MSRB3: variants seen among roughly 807,000 people sequenced by gnomAD.
The protein encoded by MSRB3 is methionine-R-sulfoxide reductase B3.
Under a neutral mutation model 21.0 loss-of-function variants are expected in MSRB3, and 13 were observed. The observed-to-expected ratio is 0.62, with a 90% CI of 0.40 to 0.98. The LOEUF (loss-of-function observed/expected upper bound fraction) is 0.98. Among genes scored for constraint, MSRB3 ranks in the 50% least tolerant of loss-of-function variants. The pLI is 0.00. For synonymous variants in MSRB3, 87 were observed against 88.6 expected (o/e 0.98, Z 0.10); for missense variants, 199 against 230.3 (o/e 0.86, Z 0.88).
chr12:65,395,618 C>T (rs1436112744), intron 5 of MSRB3, among the ~76,000 whole-genome samples: 5 of 152,140 alleles, frequency 3.3e-5, no homozygotes, highest in Non-Finnish European at 7.3e-5. Flanking sequence ...GTAAAATTCA[C>T]CAGTGAACCC....
intron 4 of MSRB3, among the ~76,000 whole-genome samples, chr12:65,343,362 A>G (rs1392390550): frequency 1.3e-5 from 2 of 151,964 alleles, no homozygotes; most frequent in Non-Finnish European, 2.9e-5. Flanking sequence ...AACTGCTTAA[A>G]CCTTCTGGTT....
At chr12:65,377,367 G>A (rs1349335146) in intron 5 of MSRB3, among the ~76,000 whole-genome samples, 1 of 152,146 alleles carries the variant, frequency 6.6e-6, no homozygotes, top group Non-Finnish European at 1.5e-5. Flanking sequence ...TGCCTCCTGG[G>A]ATCAAGCGAT....
chr12:65,453,640 T>A, intron 5 of MSRB3, 88 bp from the exon 6 acceptor site: 1 of 968,156 alleles, frequency 1.0e-6, no homozygotes, highest in Non-Finnish European at 1.7e-6. Flanking sequence ...ATTTTCATTA[T>A]TTGCTTAGTA....
chr12:65,357,329 G>A (rs182262668), intron 4 of MSRB3, among the ~76,000 whole-genome samples: 27 of 151,722 alleles, frequency 1.8e-4, no homozygotes, highest in Admixed American at 7.2e-4. Context: ...ATCTTTATCC[G>A]CTTTGACCTG....
chr12:65,289,728 C>T (rs949690145), intron 1 of MSRB3, among the ~76,000 whole-genome samples: 2 of 152,026 alleles, frequency 1.3e-5, no homozygotes, highest in African/African-American at 2.4e-5. Flanking sequence ...GCCCCAGTGT[C>T]GATTGTTCCT....
chr12:65,455,929 G>T (rs111246998), intron 6 of MSRB3, among the ~76,000 whole-genome samples: 275 of 152,044 alleles, frequency 1.8e-3, no homozygotes, highest in African/African-American at 6.1e-3. Flanking sequence ...GTAGAGATAG[G>T]GTTTCACCAT....
intron 5 of MSRB3, among the ~76,000 whole-genome samples, chr12:65,387,846 T>G (rs1879272853): frequency 6.6e-6 from 1 of 152,152 alleles, no homozygotes; most frequent in Non-Finnish European, 1.5e-5. Flanking sequence ...GCTTGATTTT[T>G]TTTTCCTACA....
At chr12:65,420,225 T>C (rs11175759) in intron 5 of MSRB3, among the ~76,000 whole-genome samples, 81,495 of 151,902 alleles carry the variant, frequency 0.54, 22,335 homozygotes, top group Non-Finnish European at 0.62. Flanking sequence ...AACTTGGACT[T>C]TCTATTTTAT....
chr12:65,462,560 C>A (rs1883376805), intron 6 of MSRB3, among the ~76,000 whole-genome samples: 1 of 152,158 alleles, frequency 6.6e-6, no homozygotes. Flanking sequence ...AGGAAAAAAA[C>A]AATTGTGTGT....
At chr12:65,397,046 G>A (rs1488043637) in intron 5 of MSRB3, among the ~76,000 whole-genome samples, 1 of 152,136 alleles carries the variant, frequency 6.6e-6, no homozygotes, top group Non-Finnish European at 1.5e-5. Flanking sequence ...ATGCACTGTT[G>A]TTAGGTGCAC....
At chr12:65,363,226 A>G (rs1202945906) in intron 4 of MSRB3, among the ~76,000 whole-genome samples, 1 of 152,170 alleles carries the variant, frequency 6.6e-6, no homozygotes, top group African/African-American at 2.4e-5. Flanking sequence ...CCATTTTAAA[A>G]TTTTTGATAC....
In MSRB3 at chr12:65,385,391, T is replaced by C. The variant is rs115052798; in HGVS notation, c.292+16365T>C. ...TATTATTTGCGTATTTATTCATTCCTATTTTCATAGTTAGGAAAACTGGTA... is the reference window on the plus strand; with the variant it reads ...TATTATTTGCGTATTTATTCATTCCCATTTTCATAGTTAGGAAAACTGGTA... On this transcript the variant is annotated intron_variant, in intron 5 of 6. Transcript: ENST00000308259. Among the ~76,000 whole-genome samples the C allele has an allele frequency of 3.4e-3, 514 of 152,196 alleles. 1 individual carries two copies. The highest frequency in any genetic ancestry group is 0.011 in the African/African-American group (474 of 41,576).
intron 4 of MSRB3, among the ~76,000 whole-genome samples, chr12:65,347,210 C>T (rs184527966): frequency 3.3e-5 from 5 of 152,164 alleles, no homozygotes; most frequent in East Asian, 1.9e-4. Context: ...ATTCTTCCTA[C>T]CCATGAGCAT....
intron 5 of MSRB3, among the ~76,000 whole-genome samples, chr12:65,385,597 T>C (rs1282440117): frequency 6.6e-6 from 1 of 152,028 alleles, no homozygotes; most frequent in Non-Finnish European, 1.5e-5. Context: ...CAAAATTAAA[T>C]AAAATAGCTT....
intron 5 of MSRB3, among the ~76,000 whole-genome samples, chr12:65,408,235 C>G (rs1880523957): frequency 6.6e-6 from 1 of 152,134 alleles, no homozygotes; most frequent in Admixed American, 6.5e-5. Flanking sequence ...GCTGGGATTA[C>G]AGATGCCTGC....
At chr12:65,380,462 G>A (rs1878878678) in intron 5 of MSRB3, among the ~76,000 whole-genome samples, 1 of 152,016 alleles carries the variant, frequency 6.6e-6, no homozygotes, top group African/African-American at 2.4e-5. Flanking sequence ...TGTAATCCCA[G>A]CTACTTGGGA....
rs1040946768 is a variant in MSRB3 at position 65,463,039 on chromosome 12, G to C, written c.391-116G>C. 3 of 1,281,094 alleles carry C rather than the reference G, an allele frequency of 2.3e-6. No individual in the cohort carries two copies. In the African/African-American group the frequency reaches 4.4e-5, roughly 19 times the overall value. 79.4% of individuals were successfully genotyped at this position (1,281,094 alleles called of 1,614,324 possible). A position where few individuals can be genotyped will look rare whatever the true frequency, so the allele number is the denominator to read the frequency against. On this transcript the variant is annotated intron_variant, in intron 6 of 6. Coordinates refer to ENST00000308259, the MANE Select transcript of MSRB3 (RefSeq NM_001031679.3). ...GACAGGCGGATTAGAAATCATCCAC[G>C]ATGGTTTCCTTCATTTCTCTACAGG...
chr12:65,304,469 A>T (rs1210147645), intron 1 of MSRB3, among the ~76,000 whole-genome samples: 2 of 152,342 alleles, frequency 1.3e-5, no homozygotes, highest in South Asian at 4.1e-4. Flanking sequence ...AGGAAGATTC[A>T]TGAGACATCT....
chr12:65,326,704 A>G (rs1875054868), intron 2 of MSRB3, 122 bp from the exon 3 acceptor site: 1 of 728,502 alleles, frequency 1.4e-6, no homozygotes, highest in East Asian at 2.7e-5. Flanking sequence ...TTTCCAGTGC[A>G]TTAGAGACTG....
Sources: gnomAD v4.1 joint callset for allele counts (sites outside exome capture counted in the v4.1 genomes callset) on GRCh38, gnomAD v4.1.1 for gene constraint, MANE v1.5 for transcripts, NCBI Gene and HGNC (gene_info 2026-07-23, HGNC 2026-07-21) for gene names.